The following CA8 variants were observed in gnomAD, a reference collection of about 807,000 sequenced individuals.
CA8 encodes carbonic anhydrase 8 (inactive).
Under a neutral mutation model 41.4 loss-of-function variants are expected in CA8, and 22 were observed. The observed-to-expected ratio is 0.53, with a 90% CI of 0.38 to 0.76. CA8 has a LOEUF of 0.76. Ranked by LOEUF, CA8 falls within the 30% of genes least tolerant of loss-of-function variation. CA8 has a pLI of 0.00. For missense variants in CA8, 270 were observed against 352.8 expected, an observed-to-expected ratio of 0.77 and a Z score of 1.88; for synonymous variants, 121 against 130.6, an observed-to-expected ratio of 0.93 and a Z score of 0.50.
Position 60,222,673 on chromosome 8 carries a change from G to T in CA8, c.714C>A (p.Tyr238Ter). The T allele has an allele frequency of 1.2e-6, 2 of 1,607,882 alleles. No individual in the cohort carries two copies. The highest frequency in any genetic ancestry group is 1.7e-6 in the Non-Finnish European group (2 of 1,174,260). Residue 238 changes from tyrosine to a stop codon, truncating the protein, a stop_gained, in exon 7 of 9, where the codon TAC becomes TAA. Transcript: ENST00000317995. LOFTEE classifies it high-confidence loss of function. ...SEGVTWILFR[Y>*]PLTISQLQIE... Reference sequence around the variant, plus strand: ...CCTGTAGCTGGGATATAGTTAAAGGGTATCGGAATAATATCCAGGTGACAC... The same window carrying T: ...CCTGTAGCTGGGATATAGTTAAAGGTTATCGGAATAATATCCAGGTGACAC...
intron 7 of CA8, among the ~76,000 whole-genome samples, chr8:60,210,655 A>G (rs1159620636): frequency 6.6e-6 from 1 of 151,698 alleles, no homozygotes; most frequent in African/African-American, 2.4e-5. Context: ...TGCGCTTCGA[A>G]TGTCTTATTT....
chr8:60,281,119 G>GT lies in CA8; in HGVS notation c.28dup (p.Thr10AsnfsTer11). 6.3e-7 allele frequency: 1 copy of GT among 1,593,344 alleles called. No homozygotes were observed. Among genetic ancestry groups the GT allele is most frequent in the Non-Finnish European group, 8.5e-7 (1 of 1,171,336 alleles). ...CTCTTCCTTCTCGGGGAAGGCGACG[G>GT]TATCTTCGATGAAGCTCAGGTCCGC... is the stretch of plus-strand genomic sequence containing the variant. On this transcript the variant is annotated frameshift_variant, in exon 1 of 9. Coordinates refer to ENST00000317995, the MANE Select transcript of CA8 (RefSeq NM_004056.6). LOFTEE classifies it high-confidence loss of function.
At position 60,188,498 on chromosome 8, in the gene CA8, T is replaced by C. The variant is rs1050071206; in HGVS notation, c.*1523A>G. On this transcript the variant is annotated 3_prime_UTR_variant, in exon 9 of 9. Transcript: ENST00000317995. The stretch of plus-strand genomic sequence containing the variant: ...TAAGGCTGCACGTGTGCAGCCAATG[T>C]TTGGCATGTGAGTGGTAACAGTGCT... 1 of 152,214 alleles carries C rather than the reference T, an allele frequency of 6.6e-6. No homozygotes were observed. The highest frequency in any genetic ancestry group is 1.5e-5 in the Non-Finnish European group (1 of 68,032). The allele number at this position is 152,214 out of a possible 1,614,324, so 9.4% of individuals were successfully genotyped here.
chr8:60,208,835 G>A lies in CA8; in HGVS notation c.823C>T (p.Arg275Trp). 7 of 1,614,102 alleles carry A rather than the reference G, an allele frequency of 4.3e-6. No homozygotes were observed. The highest frequency in any genetic ancestry group is 1.3e-5 in the African/African-American group (1 of 75,036). ...CTGTCACTAAGAGGCTGAGTGGGCCGAAAGTTGTCTCCCAAAATCCCATCA... is the reference window on the plus strand; with the variant it reads ...CTGTCACTAAGAGGCTGAGTGGGCCAAAAGTTGTCTCCCAAAATCCCATCA... ...GCDGILGDNFRPTQPLSDRVI... is the reference protein window; with the variant it reads ...GCDGILGDNFWPTQPLSDRVI... Residue 275 changes from arginine (R) to tryptophan (W), a missense_variant, in exon 8 of 9, where the codon CGG becomes TGG. By Grantham distance (101) the Arg-to-Trp change is moderately radical. This residue lies in a region of CA8 where 141 missense variants were observed against 191.6 expected (regional missense o/e 0.74). Coordinates refer to ENST00000317995, the MANE Select transcript of CA8 (RefSeq NM_004056.6).
intron 3 of CA8, among the ~76,000 whole-genome samples, chr8:60,233,033 G>A (rs1300736252): frequency 6.6e-6 from 1 of 152,154 alleles, no homozygotes; most frequent in African/African-American, 2.4e-5. Context: ...ATAAAGCTTT[G>A]CAGCTTTCAA....
chr8:60,200,894 T>C (rs553657759), intron 8 of CA8, among the ~76,000 whole-genome samples: 10 of 152,156 alleles, frequency 6.6e-5, no homozygotes, highest in Non-Finnish European at 1.5e-4. Flanking sequence ...TTATATATTT[T>C]TATTTAATCT....
chr8:60,224,262 T>C (rs1807349634), intron 6 of CA8, among the ~76,000 whole-genome samples: 1 of 152,212 alleles, frequency 6.6e-6, no homozygotes, highest in Non-Finnish European at 1.5e-5. Flanking sequence ...TATTTTATTA[T>C]ACTGATGCTT....
At chr8:60,190,967 C>CACACA (rs1405639777) in intron 8 of CA8, among the ~76,000 whole-genome samples, 11 of 78,402 alleles carry the variant, frequency 1.4e-4, no homozygotes, top group African/African-American at 5.5e-4. Context: ...TACACACACA[C>CACACA]ATTTCTACAT....
At chr8:60,241,082 G>A (rs1478596694) in intron 3 of CA8, among the ~76,000 whole-genome samples, 1 of 152,178 alleles carries the variant, frequency 6.6e-6, no homozygotes, top group Non-Finnish European at 1.5e-5. Flanking sequence ...ATTATATGAA[G>A]CAGCCCATTC....
chr8:60,247,449 C>T (rs1808287880), intron 3 of CA8, among the ~76,000 whole-genome samples: 1 of 152,152 alleles, frequency 6.6e-6, no homozygotes, highest in Admixed American at 6.5e-5. Flanking sequence ...TGTTCCCCTC[C>T]CTGTATCCAC....
intron 3 of CA8, among the ~76,000 whole-genome samples, chr8:60,251,972 T>C (rs911248360): frequency 6.6e-6 from 1 of 152,240 alleles, no homozygotes; most frequent in Non-Finnish European, 1.5e-5. Context: ...TACACAATAC[T>C]GGCTTTCACA....
At chr8:60,222,116 C>T (rs1807271762) in intron 7 of CA8, among the ~76,000 whole-genome samples, 1 of 152,198 alleles carries the variant, frequency 6.6e-6, no homozygotes, top group African/African-American at 2.4e-5. Flanking sequence ...CAGTTGGATG[C>T]TCCCACCCAC....
In CA8 at chr8:60,277,359, C is replaced by CT. The variant is rs113659462; in HGVS notation, c.292+2329dup. ...CACAGGCAGAAAGAGTATTATTCAC[C>CT]TTTTTTTTTTTGAGACGGAGTTTTG... On this transcript the variant is annotated intron_variant, in intron 2 of 8. Coordinates refer to ENST00000317995, the MANE Select transcript of CA8 (RefSeq NM_004056.6). Among the ~76,000 whole-genome samples, 670 of 146,464 alleles carry CT rather than the reference C, an allele frequency of 4.6e-3. 2 individuals are homozygous for CT. Among genetic ancestry groups the CT allele is most frequent in the Non-Finnish European group, 6.8e-3 (450 of 66,072 alleles).
At chr8:60,229,340 C>A (rs557909244) in intron 4 of CA8, among the ~76,000 whole-genome samples, 1 of 152,296 alleles carries the variant, frequency 6.6e-6, no homozygotes, top group East Asian at 1.9e-4. Context: ...GCCATGCAGT[C>A]CCCCAGGGAG....
At chr8:60,253,255 AAAC>A in intron 3 of CA8, among the ~76,000 whole-genome samples, 1 of 152,218 alleles carries the variant, frequency 6.6e-6, no homozygotes, top group Non-Finnish European at 1.5e-5. Context: ...ATAAAAATAA[AAAC>A]AATATGGATA....
chr8:60,275,557 A>G (rs1804205303), intron 2 of CA8, among the ~76,000 whole-genome samples: 1 of 152,150 alleles, frequency 6.6e-6, no homozygotes, highest in African/African-American at 2.4e-5. Context: ...TCAAAAGACT[A>G]AACGATTAAA....
chr8:60,240,050 G>A (rs529887665), intron 3 of CA8, among the ~76,000 whole-genome samples: 6 of 152,326 alleles, frequency 3.9e-5, no homozygotes, highest in African/African-American at 1.4e-4. Flanking sequence ...ACTGACGGGG[G>A]ACCAAAGACT....
Position 60,226,910 on chromosome 8 carries a change from TTC to T in CA8, c.537_538del (p.Lys180GlyfsTer4). On this transcript the variant is annotated frameshift_variant, in exon 5 of 9. Transcript: ENST00000317995. LOFTEE classifies it high-confidence loss of function. ...ATCTTGGAGGATTTCAGTCACAGCC[TTC>T]AAGCCAACATGTTCCTTTCCTATCT... 1 of 1,604,158 alleles carries T rather than the reference TTC, an allele frequency of 6.2e-7. No homozygotes were observed. The highest frequency in any genetic ancestry group is 8.5e-7 in the Non-Finnish European group (1 of 1,171,126).
At chr8:60,259,153 A>G (rs879391372) in intron 3 of CA8, among the ~76,000 whole-genome samples, 2 of 152,210 alleles carry the variant, frequency 1.3e-5, no homozygotes, top group African/African-American at 2.4e-5. Context: ...GAATACATGG[A>G]TATGAGTTAT....
Sources: gnomAD v4.1 joint callset for allele counts (sites outside exome capture counted in the v4.1 genomes callset) on GRCh38, gnomAD v4.1.1 for gene constraint, gnomAD v4.1.1 regional missense constraint, MANE v1.5 for transcripts, NCBI Gene and HGNC (gene_info 2026-07-23, HGNC 2026-07-21) for gene names.